The following GMDS variants were observed in gnomAD, a reference collection of about 807,000 sequenced individuals.
The protein encoded by GMDS is GDP-mannose 4,6 dehydratase.
A neutral mutation model predicts 49.9 loss-of-function variants in GMDS; 20 were observed. The ratio of observed to expected loss-of-function variants is 0.40; its 90% CI spans 0.28 to 0.58. The LOEUF (loss-of-function observed/expected upper bound fraction) is 0.58. GMDS is among the 20% of genes least tolerant of loss of function. The pLI, the probability that GMDS is intolerant of heterozygous loss-of-function variation, is 0.42. For missense variants in GMDS, 362 were observed against 481.4 expected (o/e 0.75, Z 2.32); for synonymous variants, 177 against 178.6 (o/e 0.99, Z 0.07).
intron 7 of GMDS, among the ~76,000 whole-genome samples, chr6:1,847,406 A>T (rs1326482057): frequency 1.3e-5 from 2 of 152,238 alleles, no homozygotes; most frequent in Non-Finnish European, 2.9e-5. Flanking sequence ...TGGGGGAACA[A>T]CAATGAAATA....
chr6:1,900,802 G>T (rs1036691364), intron 7 of GMDS, among the ~76,000 whole-genome samples: 1 of 152,162 alleles, frequency 6.6e-6, no homozygotes, highest in Admixed American at 6.5e-5. Flanking sequence ...AATCAGAGTA[G>T]ACAATTTCTA....
chr6:1,983,215 T>C (rs1765322170), intron 4 of GMDS, among the ~76,000 whole-genome samples: 1 of 152,112 alleles, frequency 6.6e-6, no homozygotes, highest in Non-Finnish European at 1.5e-5. Context: ...TTACACCATA[T>C]ACAAACATCA....
chr6:2,141,222 G>C (rs9501810), intron 1 of GMDS, among the ~76,000 whole-genome samples: 2,232 of 152,326 alleles, frequency 0.015, 55 homozygotes, highest in African/African-American at 0.05. Flanking sequence ...GGCATCTGCA[G>C]TAAGAAGCAC....
chr6:2,148,391 T>C (rs756466800), intron 1 of GMDS, among the ~76,000 whole-genome samples: 4 of 152,110 alleles, frequency 2.6e-5, no homozygotes, highest in Non-Finnish European at 4.4e-5. Flanking sequence ...TGAGTTTGTA[T>C]TCACATCTAT....
intron 8 of GMDS, among the ~76,000 whole-genome samples, chr6:1,738,809 A>G (rs966664513): frequency 1.3e-4 from 20 of 152,084 alleles, no homozygotes; most frequent in Non-Finnish European, 1.5e-5. Context: ...CTCCCTCTCC[A>G]TGTTCTCGGC....
chr6:1,841,714 G>A (rs1044661806), intron 7 of GMDS, among the ~76,000 whole-genome samples: 3 of 152,164 alleles, frequency 2.0e-5, no homozygotes, highest in Admixed American at 6.5e-5. Flanking sequence ...GGTAGGTGGT[G>A]TTCATGTGTA....
At chr6:1,647,798 C>A (rs1004782967) in intron 9 of GMDS, among the ~76,000 whole-genome samples, 2 of 152,176 alleles carry the variant, frequency 1.3e-5, no homozygotes, top group Non-Finnish European at 2.9e-5. Flanking sequence ...GAAGGACAAG[C>A]CCTTCCTTCC....
At chr6:1,987,348 G>A (rs1307748635) in intron 4 of GMDS, among the ~76,000 whole-genome samples, 1 of 151,916 alleles carries the variant, frequency 6.6e-6, no homozygotes, top group African/African-American at 2.4e-5. Flanking sequence ...AAAATCTACT[G>A]AAAATTGCTG....
At position 2,009,617 on chromosome 6, in the gene GMDS, A is replaced by G. The variant is rs907986521; in HGVS notation, c.346-48651T>C. Among the ~76,000 whole-genome samples the G allele has an allele frequency of 3.4e-4, 51 of 152,206 alleles. 1 individual carries two copies. Among genetic ancestry groups the G allele is most frequent in the African/African-American group, 1.2e-3 (49 of 41,452 alleles). Reference sequence around the variant, plus strand: ...CCTTGGTTCGTTTAAAGCAGCACAGATAAGTCTAAGCAAGGAATAAATCAA... The same window carrying G: ...CCTTGGTTCGTTTAAAGCAGCACAGGTAAGTCTAAGCAAGGAATAAATCAA... On this transcript the variant is annotated intron_variant, in intron 4 of 10. Coordinates refer to ENST00000380815, the MANE Select transcript of GMDS (RefSeq NM_001500.4).
intron 4 of GMDS, among the ~76,000 whole-genome samples, chr6:2,087,708 T>C (rs943655384): frequency 5.3e-5 from 8 of 152,242 alleles, no homozygotes; most frequent in Non-Finnish European, 1.2e-4. Flanking sequence ...TGTTGTTCAC[T>C]TGCTTATGAA....
intron 3 of GMDS, among the ~76,000 whole-genome samples, chr6:2,116,337 A>G (rs905292064): frequency 6.6e-6 from 1 of 152,170 alleles, no homozygotes; most frequent in African/African-American, 2.4e-5. Context: ...ATAAACATCA[A>G]CCTTAGGCCC....
At chr6:1,652,384 T>A (rs893377590) in intron 9 of GMDS, among the ~76,000 whole-genome samples, 777 of 6,574 alleles carry the variant, frequency 0.12, 60 homozygotes, top group Non-Finnish European at 0.22. Flanking sequence ...AAAAAAAATA[T>A]ATATATATTA....
intron 7 of GMDS, among the ~76,000 whole-genome samples, chr6:1,801,547 C>G (rs962200220): frequency 1.3e-5 from 2 of 152,262 alleles, no homozygotes; most frequent in African/African-American, 4.8e-5. Context: ...AACCCACTCA[C>G]ATGATGCATT....
At chr6:1,895,986 G>A (rs937658384) in intron 7 of GMDS, among the ~76,000 whole-genome samples, 4 of 152,080 alleles carry the variant, frequency 2.6e-5, no homozygotes, top group South Asian at 2.1e-4. Context: ...GTGATTCATC[G>A]TTCCTGACCT....
intron 4 of GMDS, among the ~76,000 whole-genome samples, chr6:2,062,497 C>T (rs901626812): frequency 4.6e-5 from 7 of 151,718 alleles, no homozygotes; most frequent in African/African-American, 7.3e-5. Flanking sequence ...CAAGAAGAAC[C>T]GTGACAGATA....
chr6:1,826,342 C>T (rs761441048), intron 7 of GMDS, among the ~76,000 whole-genome samples: 23 of 152,090 alleles, frequency 1.5e-4, no homozygotes, highest in Admixed American at 4.6e-4. Flanking sequence ...ATGTGGTGCA[C>T]GACTATATCT....
At chr6:1,850,052 A>G (rs947477321) in intron 7 of GMDS, among the ~76,000 whole-genome samples, 1 of 152,208 alleles carries the variant, frequency 6.6e-6, no homozygotes, top group Non-Finnish European at 1.5e-5. Context: ...CCAACGTAAA[A>G]TATCAGAGAC....
chr6:2,068,025 T>C (rs1238472234), intron 4 of GMDS, among the ~76,000 whole-genome samples: 13 of 150,384 alleles, frequency 8.6e-5, no homozygotes, highest in Admixed American at 6.0e-4. Flanking sequence ...AATAAAATAC[T>C]GGCAAAACGA....
In GMDS at chr6:2,020,322, A is replaced by C. The variant is rs551536084; in HGVS notation, c.346-59356T>G. On this transcript the variant is annotated intron_variant, in intron 4 of 10. Transcript: ENST00000380815. ...TATGCCTATATAAATAAATAAAATA[A>C]ATTAAATAAATTAAAAAATAAAAAC... 4.4e-4 allele frequency among the ~76,000 whole-genome samples: 67 copies of C among 151,812 alleles called. 1 individual carries two copies. Among genetic ancestry groups the C allele is most frequent in the African/African-American group, 1.5e-3 (64 of 41,504 alleles).
Sources: gnomAD v4.1 joint callset for allele counts (sites outside exome capture counted in the v4.1 genomes callset) on GRCh38, gnomAD v4.1.1 for gene constraint, MANE v1.5 for transcripts, NCBI Gene and HGNC (gene_info 2026-07-23, HGNC 2026-07-21) for gene names.